Variants in COX7B2 observed in about 807,000 individuals in gnomAD.
COX7B2 encodes cytochrome c oxidase subunit 7B2, also known as cytochrome c oxidase subunit 7B2, mitochondrial.
For missense variants in COX7B2, 109 were observed against 95.9 expected, an observed-to-expected ratio of 1.14 and a Z score of -0.57; for synonymous variants, 37 against 32.1, an observed-to-expected ratio of 1.15 and a Z score of -0.51.
intron 1 of COX7B2, among the ~76,000 whole-genome samples, chr4:46,894,165 T>C (rs988919263): frequency 6.6e-6 from 1 of 152,114 alleles, no homozygotes; most frequent in African/African-American, 2.4e-5. Context: ...AAAAACCATT[T>C]AAAAATTTAT....
chr4:46,743,835 C>T (rs1368463051), intron 2 of COX7B2, among the ~76,000 whole-genome samples: 1 of 152,116 alleles, frequency 6.6e-6, no homozygotes, highest in Non-Finnish European at 1.5e-5. Context: ...CAAAGGATGC[C>T]TCTGTGTTCT....
At chr4:46,865,708 G>T (rs750350581) in intron 1 of COX7B2, among the ~76,000 whole-genome samples, 1 of 152,152 alleles carries the variant, frequency 6.6e-6, no homozygotes, top group Non-Finnish European at 1.5e-5. Flanking sequence ...ACCTAATTCA[G>T]TGTGGGTGGG....
chr4:46,840,501 T>C (rs73245876), intron 2 of COX7B2, among the ~76,000 whole-genome samples: 26,870 of 151,902 alleles, frequency 0.18, 2,670 homozygotes, highest in Middle Eastern at 0.24. Context: ...TCAATGTAAA[T>C]AGAAGAAAGA....
chr4:46,812,374 A>T (rs1398485801), intron 2 of COX7B2, among the ~76,000 whole-genome samples: 1 of 151,936 alleles, frequency 6.6e-6, no homozygotes, highest in African/African-American at 2.4e-5. Flanking sequence ...AAAAATTAAA[A>T]AAAAAAAAGA....
intron 1 of COX7B2, among the ~76,000 whole-genome samples, chr4:46,858,419 T>C (rs193226209): frequency 2.5e-4 from 38 of 152,282 alleles, no homozygotes; most frequent in African/African-American, 7.7e-4. Context: ...TTAAGACATA[T>C]TGGTACACTA....
chr4:46,750,331 C>A, intron 2 of COX7B2, among the ~76,000 whole-genome samples: 1 of 151,762 alleles, frequency 6.6e-6, no homozygotes, highest in Non-Finnish European at 1.5e-5. Flanking sequence ...AAATTGGAGG[C>A]TACAGCGAGC....
chr4:46,748,625 G>A (rs953700559), intron 2 of COX7B2, among the ~76,000 whole-genome samples: 25 of 152,096 alleles, frequency 1.6e-4, no homozygotes, highest in African/African-American at 4.1e-4. Context: ...TCTCTATCCC[G>A]CAAAATGAAC....
chr4:46,765,789 C>A (rs1031778572), intron 2 of COX7B2, among the ~76,000 whole-genome samples: 3 of 151,998 alleles, frequency 2.0e-5, no homozygotes, highest in African/African-American at 7.3e-5. Flanking sequence ...GGATCATGAA[C>A]CCAGGATCCA....
At chr4:46,847,047 G>T (rs116556820) in intron 1 of COX7B2, among the ~76,000 whole-genome samples, 2 of 151,918 alleles carry the variant, frequency 1.3e-5, no homozygotes, top group South Asian at 2.1e-4. Context: ...GTTTGAGGAC[G>T]ATCAAATTTA....
intron 1 of COX7B2, among the ~76,000 whole-genome samples, chr4:46,860,414 G>A (rs1473754647): frequency 6.6e-6 from 1 of 152,166 alleles, no homozygotes; most frequent in Non-Finnish European, 1.5e-5. Flanking sequence ...CAAGTTGATG[G>A]TCTGCACATT....
chr4:46,818,404 C>T (rs568973809), intron 2 of COX7B2, among the ~76,000 whole-genome samples: 38 of 152,036 alleles, frequency 2.5e-4, no homozygotes, highest in African/African-American at 7.2e-4. Flanking sequence ...GAGGCCGAGG[C>T]GGGTGGATCA....
At chr4:46,837,224 T>C (rs983736096) in intron 2 of COX7B2, among the ~76,000 whole-genome samples, 3 of 150,792 alleles carry the variant, frequency 2.0e-5, no homozygotes, top group African/African-American at 7.3e-5. Context: ...AACACCCAAG[T>C]GTACATCAAC....
At chr4:46,884,202 T>C (rs1718926357) in intron 1 of COX7B2, among the ~76,000 whole-genome samples, 1 of 152,066 alleles carries the variant, frequency 6.6e-6, no homozygotes, top group African/African-American at 2.4e-5. Flanking sequence ...GGTGTTTGTT[T>C]GTTTTAGAAG....
At chr4:46,773,089 C>T (rs1716963353) in intron 2 of COX7B2, among the ~76,000 whole-genome samples, 1 of 152,096 alleles carries the variant, frequency 6.6e-6, no homozygotes, top group Non-Finnish European at 1.5e-5. Context: ...TCTTTTGCAA[C>T]ACATGAAATA....
chr4:46,898,253 T>A (rs1719881571), intron 1 of COX7B2, among the ~76,000 whole-genome samples: 1 of 152,224 alleles, frequency 6.6e-6, no homozygotes, highest in Non-Finnish European at 1.5e-5. Flanking sequence ...TCGGAATTAA[T>A]TCTTTTATTC....
At chr4:46,902,183 T>C (rs1720107173) in intron 1 of COX7B2, among the ~76,000 whole-genome samples, 1 of 152,126 alleles carries the variant, frequency 6.6e-6, no homozygotes, top group Non-Finnish European at 1.5e-5. Context: ...CTTACCCCTG[T>C]AAAATGGAAG....
At chr4:46,862,734 A>T (rs199774920) in intron 1 of COX7B2, among the ~76,000 whole-genome samples, 1 of 152,204 alleles carries the variant, frequency 6.6e-6, no homozygotes, top group East Asian at 1.9e-4. Context: ...CCTAATGTTC[A>T]GACTTTAAAA....
intron 1 of COX7B2, among the ~76,000 whole-genome samples, chr4:46,870,527 G>C (rs1034698696): frequency 2.6e-5 from 4 of 152,080 alleles, no homozygotes; most frequent in African/African-American, 9.7e-5. Context: ...CAAATACGAA[G>C]AGAGGAAGTC....
At chr4:46,854,534 G>A (rs1397268535) in intron 1 of COX7B2, among the ~76,000 whole-genome samples, 9 of 152,194 alleles carry the variant, frequency 5.9e-5, no homozygotes, top group Admixed American at 3.9e-4. Flanking sequence ...GGGCAGCACT[G>A]TTCTACACTG....
Sources: allele counts gnomAD v4.1 joint callset (sites outside exome capture counted in the v4.1 genomes callset), GRCh38; gene constraint gnomAD v4.1.1; transcripts MANE v1.5; gene names NCBI Gene and HGNC (gene_info 2026-07-23, HGNC 2026-07-21).